Variants in CACNA1E observed in about 807,000 individuals in gnomAD.
The protein encoded by CACNA1E is calcium voltage-gated channel subunit alpha1 E, also known as voltage-dependent R-type calcium channel subunit alpha-1E.
In CACNA1E, 40 loss-of-function variants were observed where a neutral mutation model predicts 259.2. The ratio of observed to expected loss-of-function variants is 0.15; its 90% CI spans 0.12 to 0.20. The LOEUF (loss-of-function observed/expected upper bound fraction) is 0.20, where lower values mean the gene tolerates loss of function less well. Among genes scored for constraint, CACNA1E ranks in the 10% least tolerant of loss-of-function variants. The pLI is 1.00. For synonymous variants in CACNA1E, 1,104 were observed against 1,138.5 expected, an observed-to-expected ratio of 0.97 and a Z score of 0.61; for missense variants, 1,874 against 3,040.1, an observed-to-expected ratio of 0.62 and a Z score of 9.02.
At chr1:181,670,518 C>G (rs1296644433) in intron 7 of CACNA1E, among the ~76,000 whole-genome samples, 1 of 152,158 alleles carries the variant, frequency 6.6e-6, no homozygotes, top group Non-Finnish European at 1.5e-5. Flanking sequence ...ATGCCGTGTT[C>G]CACAGAGAAC....
At chr1:181,405,496 G>A (rs1399138421) in intron 1 of CACNA1E, among the ~76,000 whole-genome samples, 1 of 152,138 alleles carries the variant, frequency 6.6e-6, no homozygotes, top group African/African-American at 2.4e-5. Flanking sequence ...TTTCTTTCCA[G>A]TTAACTATTA....
At chr1:181,625,394 C>G (rs1047325257) in intron 6 of CACNA1E, among the ~76,000 whole-genome samples, 9 of 152,196 alleles carry the variant, frequency 5.9e-5, no homozygotes, top group African/African-American at 2.2e-4. Flanking sequence ...GCTGTTTCAT[C>G]TACATTGAAA....
At chr1:181,571,947 T>C (rs1327156785) in intron 3 of CACNA1E, among the ~76,000 whole-genome samples, 1 of 152,194 alleles carries the variant, frequency 6.6e-6, no homozygotes, top group East Asian at 1.9e-4. Context: ...ATTTAGCAAA[T>C]GAAAATATAA....
intron 2 of CACNA1E, among the ~76,000 whole-genome samples, chr1:181,456,350 T>C (rs1661462057): frequency 6.6e-6 from 1 of 152,168 alleles, no homozygotes; most frequent in South Asian, 2.1e-4. Context: ...GGGGTACTCC[T>C]GTGTTCTGGA....
chr1:181,534,938 T>C (rs1345776904), intron 3 of CACNA1E, among the ~76,000 whole-genome samples: 1 of 152,040 alleles, frequency 6.6e-6, no homozygotes, highest in East Asian at 1.9e-4. Flanking sequence ...AAAATGACAC[T>C]AGAAAATTGA....
chr1:181,483,840 C>T lies in CACNA1E; in HGVS notation c.96C>T (p.Ala32=). The T allele has an allele frequency of 6.2e-7, 1 of 1,613,792 alleles. No individual in the cohort carries two copies. The highest frequency in any genetic ancestry group is 1.1e-5 in the South Asian group (1 of 91,074). Residue 32 remains alanine, a synonymous_variant, in exon 1 of 48, where the codon GCC becomes GCT. Coordinates refer to ENST00000367573, the MANE Select transcript of CACNA1E (RefSeq NM_001205293.3). ...ACCGGCAAGGAACCCCCGTGCCGGCCTCGGGGCAGGCGGCCGCCTACAAGC... is the reference window on the plus strand; with the variant it reads ...ACCGGCAAGGAACCCCCGTGCCGGCTTCGGGGCAGGCGGCCGCCTACAAGC... ...SRNRQGTPVP[A]SGQAAAYKQT... is the part of the protein sequence containing the mutation.
At position 181,676,503 on chromosome 1, in the gene CACNA1E, C is replaced by A. The variant is rs572811655; in HGVS notation, c.1055+25062C>A. Among the ~76,000 whole-genome samples the A allele has an allele frequency of 6.6e-5, 10 of 152,094 alleles. No individual in the cohort carries two copies. In the East Asian group the frequency reaches 1.9e-3, roughly 29 times the overall value. ...TGTGCTTGTTTGATATTGTTGCCCA[C>A]GAGACTATCTAGGGTGTACATTATG... On this transcript the variant is annotated intron_variant, in intron 7 of 47. Coordinates refer to ENST00000367573, the MANE Select transcript of CACNA1E (RefSeq NM_001205293.3).
intron 6 of CACNA1E, among the ~76,000 whole-genome samples, chr1:181,625,675 C>T (rs1656133376): frequency 6.6e-6 from 1 of 152,180 alleles, no homozygotes; most frequent in Non-Finnish European, 1.5e-5. Flanking sequence ...GATCTTCCAT[C>T]CAGACCACTC....
chr1:181,711,973 G>A lies in CACNA1E; in HGVS notation c.1171+904G>A, dbSNP rs903692921. The stretch of plus-strand genomic sequence containing the variant: ...TTGAGAATAGACCATAGAAGGATAA[G>A]GCTGGAAGCAGAGGGACTAGTAGTG... On this transcript the variant is annotated intron_variant, in intron 8 of 47. Transcript: ENST00000367573. Among the ~76,000 whole-genome samples the A allele has an allele frequency of 3.3e-5, 5 of 152,162 alleles. No individual in the cohort carries two copies. In the East Asian group the frequency reaches 9.6e-4, roughly 29 times the overall value.
intron 3 of CACNA1E, among the ~76,000 whole-genome samples, chr1:181,537,822 A>G (rs571328757): frequency 6.6e-6 from 1 of 152,352 alleles, no homozygotes; most frequent in African/African-American, 2.4e-5. Context: ...CATTTTATAG[A>G]TGAAGAAACA....
Position 181,579,633 on chromosome 1 carries a change from C to G in CACNA1E, c.769+409C>G, listed in dbSNP as rs148268011. Among the ~76,000 whole-genome samples the G allele has an allele frequency of 3.0e-4, 45 of 152,246 alleles. 1 individual carries two copies. In the East Asian group the frequency reaches 7.9e-3, roughly 27 times the overall value. On this transcript the variant is annotated intron_variant, in intron 5 of 47. Coordinates refer to ENST00000367573, the MANE Select transcript of CACNA1E (RefSeq NM_001205293.3). Reference sequence around the variant, plus strand: ...GCCTGGACAACTAGTGTCTCTCTGTCCCTATCTCTCTGTCTACAGAAAAAA... The same window carrying G: ...GCCTGGACAACTAGTGTCTCTCTGTGCCTATCTCTCTGTCTACAGAAAAAA...
chr1:181,429,177 A>G (rs994110114), intron 2 of CACNA1E, among the ~76,000 whole-genome samples: 6 of 152,152 alleles, frequency 3.9e-5, no homozygotes, highest in East Asian at 1.9e-4. Context: ...GTGAGATTCC[A>G]TCTTAAAAAA....
At chr1:181,750,544 G>T in intron 26 of CACNA1E, 57 bp downstream of exon 26, 1 of 1,529,634 alleles carries the variant, frequency 6.5e-7, no homozygotes, top group Non-Finnish European at 9.1e-7. Flanking sequence ...TTGGAGGAGC[G>T]AGAAAGTATG....
At chr1:181,462,025 C>T (rs1396264146) in intron 2 of CACNA1E, among the ~76,000 whole-genome samples, 1 of 152,034 alleles carries the variant, frequency 6.6e-6, no homozygotes, top group Non-Finnish European at 1.5e-5. Context: ...TTGTAACCAG[C>T]TTTACTGATT....
chr1:181,324,744 C>T (rs540414945), intron 1 of CACNA1E, among the ~76,000 whole-genome samples: 15 of 152,196 alleles, frequency 9.9e-5, no homozygotes, highest in African/African-American at 3.4e-4. Flanking sequence ...CATGAAGCCC[C>T]GGGAGAGTGG....
chr1:181,350,668 G>A (rs368512502), intron 1 of CACNA1E, among the ~76,000 whole-genome samples: 1 of 152,142 alleles, frequency 6.6e-6, no homozygotes, highest in Admixed American at 6.5e-5. Flanking sequence ...CCTACAGGAG[G>A]CATTTCCACC....
intron 6 of CACNA1E, among the ~76,000 whole-genome samples, chr1:181,627,349 A>G (rs1424300966): frequency 6.6e-6 from 1 of 152,356 alleles, no homozygotes; most frequent in East Asian, 1.9e-4. Context: ...ATCAATTGAC[A>G]GAATATGAAA....
chr1:181,612,874 T>C (rs1350180917), intron 6 of CACNA1E, among the ~76,000 whole-genome samples: 4 of 152,266 alleles, frequency 2.6e-5, no homozygotes, highest in Non-Finnish European at 5.9e-5. Flanking sequence ...GAAGTTTTAT[T>C]GGTTTATTTT....
intron 37 of CACNA1E, among the ~76,000 whole-genome samples, chr1:181,772,675 C>A (rs2280868): frequency 0.1 from 15,857 of 151,922 alleles, 916 homozygotes; most frequent in East Asian, 0.19. Flanking sequence ...AGAAAAGGTA[C>A]CTTGAAAATG....
Sources: allele counts gnomAD v4.1 joint callset (sites outside exome capture counted in the v4.1 genomes callset), GRCh38; gene constraint gnomAD v4.1.1; transcripts MANE v1.5; gene names NCBI Gene and HGNC (gene_info 2026-07-23, HGNC 2026-07-21).